ING3: variants seen among roughly 807,000 people sequenced by gnomAD.
ING3 encodes inhibitor of growth family member 3.
Under a neutral mutation model 64.8 loss-of-function variants are expected in ING3, and 6 were observed. The ratio of observed to expected loss-of-function variants is 0.09; its 90% confidence interval spans 0.05 to 0.18. The LOEUF (loss-of-function observed/expected upper bound fraction) is 0.18, where lower values mean the gene tolerates loss of function less well. Among genes scored for constraint, ING3 ranks in the 10% least tolerant of loss-of-function variants. ING3 has a pLI of 1.00. For synonymous variants in ING3, 170 were observed against 173.7 expected (o/e 0.98, Z 0.17); for missense variants, 310 against 489.7 (o/e 0.63, Z 3.46).
At chr7:120,969,260 A>G in intron 9 of ING3, 56 bp downstream of exon 9, 1 of 1,396,606 alleles carries the variant, frequency 7.2e-7, no homozygotes, top group Non-Finnish European at 9.9e-7. Context: ...GGTCTACTTG[A>G]CACTTCAGCC....
At chr7:120,967,070 CAG>C (rs1417248265) in intron 6 of ING3, among the ~76,000 whole-genome samples, 1 of 152,154 alleles carries the variant, frequency 6.6e-6, no homozygotes, top group African/African-American at 2.4e-5. Flanking sequence ...CTTGCTTCTC[CAG>C]TGCTTAACCT....
intron 9 of ING3, among the ~76,000 whole-genome samples, chr7:120,970,421 C>T (rs952832873): frequency 5.3e-5 from 8 of 150,320 alleles, no homozygotes; most frequent in South Asian, 2.1e-4. Flanking sequence ...GCAGAGATCG[C>T]GCCACTGCAC....
At chr7:120,955,524 T>G (rs1562972441) in intron 3 of ING3, 35 bp from the exon 4 acceptor site, 2 of 1,370,912 alleles carry the variant, frequency 1.5e-6, no homozygotes, top group Non-Finnish European at 2.1e-6. Flanking sequence ...TTAAAATGAT[T>G]AATTTATTTT....
chr7:120,968,863 AAAG>A, intron 8 of ING3, 145 bp from the exon 9 acceptor site: 2 of 550,226 alleles, frequency 3.6e-6, no homozygotes, highest in Non-Finnish European at 3.0e-6. Context: ...AAAAAAAAAA[AAAG>A]CTTAAATTCC....
intron 7 of ING3, 81 bp from the exon 8 acceptor site, chr7:120,967,853 G>T: frequency 7.0e-7 from 1 of 1,428,698 alleles, no homozygotes; most frequent in South Asian, 1.2e-5. Context: ...TTATATGTCT[G>T]TGCTGGGAAA....
At chr7:120,969,918 A>G (rs538811092) in intron 9 of ING3, among the ~76,000 whole-genome samples, 2 of 152,350 alleles carry the variant, frequency 1.3e-5, no homozygotes, top group East Asian at 1.9e-4. Flanking sequence ...AGAAGTGTCA[A>G]ACATCTTAAA....
intron 10 of ING3, among the ~76,000 whole-genome samples, chr7:120,971,742 C>T (rs561455270): frequency 2.6e-5 from 4 of 151,912 alleles, no homozygotes; most frequent in Non-Finnish European, 5.9e-5. Flanking sequence ...GATAATATTA[C>T]GATAGGCATT....
intron 4 of ING3, among the ~76,000 whole-genome samples, chr7:120,960,962 G>C (rs981176238): frequency 1.3e-5 from 2 of 152,118 alleles, no homozygotes; most frequent in Non-Finnish European, 2.9e-5. Context: ...AATGATTTTA[G>C]CAGTCTCTTG....
At chr7:120,958,188 A>C (rs1795879674) in intron 4 of ING3, among the ~76,000 whole-genome samples, 2 of 137,188 alleles carry the variant, frequency 1.5e-5, no homozygotes, top group African/African-American at 2.8e-5. Context: ...CCTTTGCTCT[A>C]CCCTCTTCCT....
At position 120,967,620 on chromosome 7, in the gene ING3, G is replaced by A. The variant is rs754720399; in HGVS notation, c.528G>A (p.Thr176=). ...CTGAAGCTCTTCTATCCACCCTTACGTCAGATGCCTCTAAGGAAAATACAC... is the reference window on the plus strand; with the variant it reads ...CTGAAGCTCTTCTATCCACCCTTACATCAGATGCCTCTAAGGAAAATACAC... The part of the protein sequence containing the change: ...FKSEALLSTL[T]SDASKENTLG... Residue 176 remains threonine (T), a synonymous_variant, in exon 7 of 12, where the codon ACG becomes ACA. Coordinates refer to ENST00000315870, the MANE Select transcript of ING3 (RefSeq NM_019071.3). The A allele has an allele frequency of 1.1e-5, 18 of 1,604,168 alleles. No homozygotes were observed. The highest frequency in any genetic ancestry group is 1.7e-4 in the Middle Eastern group (1 of 6,004).
At position 120,975,389 on chromosome 7, in the gene ING3, T is replaced by C. The variant is rs1441946519; in HGVS notation, c.*545T>C. On this transcript the variant is annotated 3_prime_UTR_variant, in exon 12 of 12. Coordinates refer to ENST00000315870, the MANE Select transcript of ING3 (RefSeq NM_019071.3). The stretch of plus-strand genomic sequence containing the variant: ...AACTAATTCAGCAGGCTGAAGGAAA[T>C]GGTTCATGTGATAATGTGGGCTGGT... 6.6e-6 allele frequency: 1 copy of C among 151,918 alleles called. No homozygotes were observed. The highest frequency in any genetic ancestry group is 3.2e-3 in the Middle Eastern group (1 of 316). The allele number at this position is 151,918 out of a possible 1,614,324, so 9.4% of individuals were successfully genotyped here.
chr7:120,950,932 C>T lies in ING3; in HGVS notation c.28+8C>T. On this transcript the variant is annotated splice_region_variant and intron_variant, in intron 1 of 11. Transcript: ENST00000315870. ...TAGAAGACTATCTGGAAAGTGAGTG[C>T]GCGGCGCTGGCGGCGGCCGCCAGTG... 6.2e-7 allele frequency: 1 copy of T among 1,611,688 alleles called. No individual in the cohort carries two copies. The highest frequency in any genetic ancestry group is 1.3e-5 in the African/African-American group (1 of 74,752).
chr7:120,973,312 T>A, intron 11 of ING3, 69 bp downstream of exon 11: 1 of 1,022,972 alleles, frequency 9.8e-7, no homozygotes, highest in Non-Finnish European at 1.5e-6. Context: ...ATATTTGTCT[T>A]ATTTGCTGTA....
At position 120,969,099 on chromosome 7, in the gene ING3, T is replaced by C. The variant is rs763727104; in HGVS notation, c.803T>C (p.Met268Thr). ...NDFQLGKEFS[M>T]ARETVGYSSS... ...TTTCAGTTGGGAAAAGAATTTTCAA[T>C]GGCCAGGGAAACAGTTGGCTATTCA... Residue 268 changes from methionine to threonine, a missense_variant, in exon 9 of 12, where the codon ATG becomes ACG. Physicochemically the swap from Met to Thr is moderately conservative, Grantham distance 81 (BLOSUM62 -1). Around this residue, in one of 3 missense-constraint regions of ING3, gnomAD observed 233 missense variants for 289.4 expected, o/e 0.81. Transcript: ENST00000315870. The C allele has an allele frequency of 1.2e-6, 2 of 1,613,986 alleles. No individual in the cohort carries two copies. Among genetic ancestry groups the C allele is most frequent in the African/African-American group, 2.7e-5 (2 of 74,940 alleles).
chr7:120,966,712 G>A lies in ING3; in HGVS notation c.436+15G>A, dbSNP rs1250145422. The A allele has an allele frequency of 6.3e-7, 1 of 1,585,790 alleles. No individual in the cohort carries two copies. Among genetic ancestry groups the A allele is most frequent in the Admixed American group, 1.7e-5 (1 of 59,972 alleles). ...TCCAGTGGAAAGTAAGTTTGGTGTA[G>A]TGCAGCTAAGTTTTAAAAACAATGA... On this transcript the variant is annotated intron_variant, in intron 6 of 11. Transcript: ENST00000315870.
At chr7:120,970,464 C>CAA (rs1256846502) in intron 9 of ING3, among the ~76,000 whole-genome samples, 1 of 89,884 alleles carries the variant, frequency 1.1e-5, no homozygotes, top group African/African-American at 4.3e-5. Context: ...GACTCCATCT[C>CAA]AAAAAAAAAA....
chr7:120,958,473 C>T (rs1261823320), intron 4 of ING3, among the ~76,000 whole-genome samples: 1 of 152,150 alleles, frequency 6.6e-6, no homozygotes, highest in African/African-American at 2.4e-5. Flanking sequence ...TTTGTAAATG[C>T]TAATCCACTT....
At chr7:120,968,231 A>T in intron 8 of ING3, 140 bp downstream of exon 8, 1 of 794,816 alleles carries the variant, frequency 1.3e-6, no homozygotes, top group Non-Finnish European at 1.9e-6. Context: ...ACGATATGTG[A>T]TATTTTATTT....
intron 3 of ING3, among the ~76,000 whole-genome samples, chr7:120,954,271 C>G (rs1795811014): frequency 6.6e-6 from 1 of 151,790 alleles, no homozygotes; most frequent in Non-Finnish European, 1.5e-5. Context: ...ACTAAAAATA[C>G]AAAAATTAGC....
Sources: gnomAD v4.1 joint callset for allele counts (sites outside exome capture counted in the v4.1 genomes callset) on GRCh38, gnomAD v4.1.1 for gene constraint, gnomAD v4.1.1 regional missense constraint, MANE v1.5 for transcripts, NCBI Gene and HGNC (gene_info 2026-07-23, HGNC 2026-07-21) for gene names.